The following MARCHF1 variants were observed in gnomAD, a reference collection of about 807,000 sequenced individuals.
The protein encoded by MARCHF1 is E3 ubiquitin-protein ligase MARCHF1.
MARCHF1 carries 40 observed loss-of-function variants against 54.2 expected under a neutral mutation model. The ratio of observed to expected loss-of-function variants is 0.74; its 90% confidence interval spans 0.57 to 0.96. MARCHF1 has a LOEUF of 0.96. Ranked by LOEUF, MARCHF1 falls within the 40% of genes least tolerant of loss-of-function variation. The probability of loss-of-function intolerance (pLI) is 0.00; values close to 1 mark genes in which losing one functional copy is unlikely to be tolerated. For missense variants in MARCHF1, 586 were observed against 656.5 expected (o/e 0.89, Z 1.17); for synonymous variants, 236 against 236.3 (o/e 1.00, Z 0.01).
At chr4:164,257,442 G>A (rs192829922) in intron 1 of MARCHF1, among the ~76,000 whole-genome samples, 60 of 151,854 alleles carry the variant, frequency 4.0e-4, no homozygotes, top group East Asian at 3.9e-3. Flanking sequence ...AGATTAGGTA[G>A]TATGATAAAT....
intron 4 of MARCHF1, among the ~76,000 whole-genome samples, chr4:163,767,376 C>T (rs1747012955): frequency 6.6e-6 from 1 of 151,852 alleles, no homozygotes; most frequent in Admixed American, 6.6e-5. Flanking sequence ...GCTCGTCGCC[C>T]AGGCTGGAGT....
chr4:164,351,464 G>C (rs553863286), intron 1 of MARCHF1, among the ~76,000 whole-genome samples: 11 of 151,186 alleles, frequency 7.3e-5, no homozygotes, highest in South Asian at 2.1e-4. Flanking sequence ...CCTGACCCCC[G>C]AGCAGCCTAA....
chr4:163,796,483 T>C (rs1747919582), intron 4 of MARCHF1, among the ~76,000 whole-genome samples: 1 of 152,140 alleles, frequency 6.6e-6, no homozygotes. Flanking sequence ...ATTCATGTGT[T>C]GTTATTATAG....
chr4:163,969,754 T>A (rs1752513035), intron 3 of MARCHF1, among the ~76,000 whole-genome samples: 1 of 152,172 alleles, frequency 6.6e-6, no homozygotes, highest in African/African-American at 2.4e-5. Flanking sequence ...GCGTTTATCA[T>A]TCAAAAAATG....
chr4:164,309,199 A>G (rs1734777702), intron 1 of MARCHF1, among the ~76,000 whole-genome samples: 1 of 138,880 alleles, frequency 7.2e-6, no homozygotes, highest in Non-Finnish European at 1.5e-5. Context: ...GGCCAAAAAG[A>G]AAAAAAAAGG....
chr4:164,036,860 T>C (rs1250093862), intron 2 of MARCHF1, among the ~76,000 whole-genome samples: 1 of 152,120 alleles, frequency 6.6e-6, no homozygotes, highest in Non-Finnish European at 1.5e-5. Flanking sequence ...TTGAAAAAAA[T>C]GGGTATTATC....
rs1281724043 is a variant in MARCHF1 at position 163,737,536 on chromosome 4, G to A, written c.112-36673C>T. Among the ~76,000 whole-genome samples, 108 of 108,390 alleles carry A rather than the reference G, an allele frequency of 1.0e-3. 5 individuals carry two copies. The highest frequency in any genetic ancestry group is 3.0e-3 in the African/African-American group (104 of 35,240). 71.1% of individuals were successfully genotyped at this position (108,390 alleles called of 152,430 possible). A position where few individuals can be genotyped will look rare whatever the true frequency, so the allele number is the denominator to read the frequency against. ...CCAATTTCATCCATGTCCCTACAAA[G>A]GACATGAACTCATCATTTTTTATGG... On this transcript the variant is annotated intron_variant, in intron 4 of 9. Coordinates refer to ENST00000514618, the MANE Select transcript of MARCHF1 (RefSeq NM_001394959.1).
At chr4:164,160,849 A>C (rs1318340587) in intron 1 of MARCHF1, among the ~76,000 whole-genome samples, 1 of 152,206 alleles carries the variant, frequency 6.6e-6, no homozygotes, top group African/African-American at 2.4e-5. Flanking sequence ...ATAAGATAAC[A>C]GAAGACAGAC....
At chr4:164,187,410 A>G (rs1730998750) in intron 1 of MARCHF1, among the ~76,000 whole-genome samples, 1 of 152,084 alleles carries the variant, frequency 6.6e-6, no homozygotes, top group Non-Finnish European at 1.5e-5. Context: ...GTCCCCTTAT[A>G]AGTCTGGATT....
At chr4:164,203,132 G>T (rs1227764805) in intron 1 of MARCHF1, among the ~76,000 whole-genome samples, 1 of 151,998 alleles carries the variant, frequency 6.6e-6, no homozygotes, top group Non-Finnish European at 1.5e-5. Flanking sequence ...CACCCATTGA[G>T]GTTTTATGGG....
At chr4:164,268,045 AG>A (rs752845783) in intron 1 of MARCHF1, among the ~76,000 whole-genome samples, 3 of 152,202 alleles carry the variant, frequency 2.0e-5, no homozygotes, top group Non-Finnish European at 4.4e-5. Flanking sequence ...TCATAAGATC[AG>A]GTTTCAAAGG....
At chr4:164,304,958 T>G (rs114841939) in intron 1 of MARCHF1, among the ~76,000 whole-genome samples, 1 of 152,204 alleles carries the variant, frequency 6.6e-6, no homozygotes, top group East Asian at 1.9e-4. Flanking sequence ...TTTCAGATAT[T>G]TGATGAATCT....
chr4:163,834,236 T>C (rs915033514), intron 4 of MARCHF1, among the ~76,000 whole-genome samples: 2 of 151,362 alleles, frequency 1.3e-5, no homozygotes, highest in African/African-American at 4.9e-5. Flanking sequence ...GTTGTAACTT[T>C]AGGAGACTAG....
chr4:164,251,224 G>A (rs1733113524), intron 1 of MARCHF1, among the ~76,000 whole-genome samples: 1 of 151,932 alleles, frequency 6.6e-6, no homozygotes. Context: ...TCCTTAACAT[G>A]GCATTAAAAG....
At chr4:164,108,163 CT>C (rs1455031683) in intron 2 of MARCHF1, among the ~76,000 whole-genome samples, 4 of 152,070 alleles carry the variant, frequency 2.6e-5, no homozygotes, top group Admixed American at 1.3e-4. Context: ...GAATCAAGAC[CT>C]TTCGTGGCTT....
intron 7 of MARCHF1, among the ~76,000 whole-genome samples, chr4:163,589,464 T>C (rs978876403): frequency 3.9e-5 from 6 of 152,138 alleles, no homozygotes; most frequent in Admixed American, 6.6e-5. Context: ...TTTTGAAATT[T>C]TTCCAAATTA....
intron 7 of MARCHF1, among the ~76,000 whole-genome samples, chr4:163,605,220 A>G (rs965763084): frequency 1.3e-5 from 2 of 152,188 alleles, no homozygotes; most frequent in Non-Finnish European, 2.9e-5. Context: ...ACAAGAAAAA[A>G]CAATCCCATC....
chr4:163,742,938 C>G (rs983495411), intron 4 of MARCHF1, among the ~76,000 whole-genome samples: 16 of 129,550 alleles, frequency 1.2e-4, no homozygotes, highest in Non-Finnish European at 2.4e-4. Flanking sequence ...GGAATAATTT[C>G]TTCATATTAT....
At chr4:164,215,329 C>A (rs973273171) in intron 1 of MARCHF1, among the ~76,000 whole-genome samples, 1 of 152,120 alleles carries the variant, frequency 6.6e-6, no homozygotes, top group Admixed American at 6.5e-5. Context: ...CTTCTGCTGG[C>A]CTGCTCCCCT....
Sources: gnomAD v4.1 joint callset for allele counts (sites outside exome capture counted in the v4.1 genomes callset) on GRCh38, gnomAD v4.1.1 for gene constraint, MANE v1.5 for transcripts, NCBI Gene and HGNC (gene_info 2026-07-23, HGNC 2026-07-21) for gene names.